The following TDRD3 variants were observed in gnomAD, a reference collection of about 807,000 sequenced individuals.
TDRD3 encodes the protein tudor domain-containing protein 3.
Under a neutral mutation model 86.7 loss-of-function variants are expected in TDRD3, and 45 were observed. That is an observed-to-expected ratio of 0.52 (90% confidence interval 0.41 to 0.67). The LOEUF is 0.67. Ranked by LOEUF, TDRD3 falls within the 30% of genes least tolerant of loss-of-function variation. TDRD3 has a pLI of 0.00. For missense variants in TDRD3, 814 were observed against 889.0 expected (o/e 0.92, Z 1.07); for synonymous variants, 298 against 301.7 (o/e 0.99, Z 0.13).
chr13:60,451,528 A>C (rs989814638), intron 3 of TDRD3, among the ~76,000 whole-genome samples: 6 of 152,188 alleles, frequency 3.9e-5, no homozygotes, highest in Admixed American at 3.9e-4. Context: ...AAATTGGCAC[A>C]AATTACAGAT....
intron 1 of TDRD3, chr13:60,433,939 G>A (rs966782622): frequency 1.5e-4 from 23 of 152,110 alleles, no homozygotes; most frequent in Non-Finnish European, 1.8e-4. Context: ...GGTAAAGGGT[G>A]GTAATGGAGA....
intron 10 of TDRD3, among the ~76,000 whole-genome samples, chr13:60,516,345 A>G (rs1157640029): frequency 6.6e-6 from 1 of 152,236 alleles, no homozygotes; most frequent in Non-Finnish European, 1.5e-5. Context: ...AAGTTTCATT[A>G]GAAATAATTG....
intron 10 of TDRD3, 100 bp from the exon 11 acceptor site, chr13:60,528,267 T>C: frequency 1.6e-6 from 2 of 1,278,852 alleles, no homozygotes; most frequent in Non-Finnish European, 2.1e-6. Context: ...TTTAGAATAG[T>C]AGTTTGATAA....
chr13:60,440,095 T>G (rs528191129), intron 2 of TDRD3, among the ~76,000 whole-genome samples: 17 of 152,172 alleles, frequency 1.1e-4, no homozygotes, highest in Non-Finnish European at 2.4e-4. Context: ...TTAAAATGAA[T>G]TGCCATTTAA....
Position 60,571,550 on chromosome 13 carries a change from A to G in TDRD3, c.*10-2066A>G, listed in dbSNP as rs111571894. 2.9e-4 allele frequency among the ~76,000 whole-genome samples: 44 copies of G among 152,326 alleles called. 1 individual carries two copies. Among genetic ancestry groups the G allele is most frequent in the African/African-American group, 1.1e-3 (44 of 41,576 alleles). ...TCTATTATCACTTTTAAAAAACATA[A>G]TTTCACAGTCATAGGTTTTCTTTTT... is the stretch of plus-strand genomic sequence containing the variant. On this transcript the variant is annotated intron_variant, in intron 13 of 13. Coordinates refer to ENST00000377881, the MANE Select transcript of TDRD3 (RefSeq NM_001146070.2).
intron 7 of TDRD3, among the ~76,000 whole-genome samples, chr13:60,493,691 T>G (rs1425623173): frequency 1.3e-5 from 2 of 152,120 alleles, no homozygotes; most frequent in Non-Finnish European, 2.9e-5. Context: ...ATAAAAATAT[T>G]GTTTAACCAA....
intron 5 of TDRD3, among the ~76,000 whole-genome samples, chr13:60,471,841 C>T (rs888702266): frequency 1.3e-5 from 2 of 152,006 alleles, no homozygotes; most frequent in Admixed American, 6.5e-5. Flanking sequence ...TCTTCCTTCT[C>T]AATTTGAATA....
intron 2 of TDRD3, among the ~76,000 whole-genome samples, chr13:60,443,011 A>C (rs1955316658): frequency 6.6e-6 from 1 of 152,072 alleles, no homozygotes. Flanking sequence ...TCTCATTCAT[A>C]TTTAAATATT....
intron 1 of TDRD3, among the ~76,000 whole-genome samples, chr13:60,397,951 G>C (rs1206485015): frequency 6.6e-6 from 1 of 152,216 alleles, no homozygotes; most frequent in Non-Finnish European, 1.5e-5. Context: ...GTGTGGACCA[G>C]TGTGAATCTG....
In TDRD3 at chr13:60,439,918, G is replaced by A. The variant is rs141228321; in HGVS notation, c.126+146G>A. On this transcript the variant is annotated intron_variant, in intron 2 of 13. Transcript: ENST00000377881. ...ATTTTAAGTTGTAGTGATGATGTTT[G>A]TTGAATTTAATAATCTCATATTAGC... 1.2e-3 allele frequency: 659 copies of A among 530,374 alleles called. 7 individuals are homozygous for A. Among genetic ancestry groups the A allele is most frequent in the African/African-American group, 0.012 (596 of 50,898 alleles). The allele number at this position is 530,374 out of a possible 1,614,324, so 32.9% of individuals were successfully genotyped here.
At chr13:60,451,890 G>C (rs1257141464) in intron 3 of TDRD3, among the ~76,000 whole-genome samples, 4 of 152,204 alleles carry the variant, frequency 2.6e-5, no homozygotes, top group Admixed American at 6.5e-5. Context: ...AAAATATCAT[G>C]TTGGAGTTTT....
intron 10 of TDRD3, among the ~76,000 whole-genome samples, chr13:60,513,641 G>A (rs1957106269): frequency 6.6e-6 from 1 of 152,078 alleles, no homozygotes; most frequent in Admixed American, 6.5e-5. Context: ...GAATCATGAG[G>A]GCAAGTCTTT....
Position 60,528,785 on chromosome 13 carries a change from A to T in TDRD3, c.1560A>T (p.Pro520=). 2 of 1,613,876 alleles carry T rather than the reference A, an allele frequency of 1.2e-6. No homozygotes were observed. Among genetic ancestry groups the T allele is most frequent in the Non-Finnish European group, 1.7e-6 (2 of 1,179,928 alleles). Residue 520 remains proline (P), a synonymous_variant, in exon 11 of 14, where the codon CCA becomes CCT. Coordinates refer to ENST00000377881, the MANE Select transcript of TDRD3 (RefSeq NM_001146070.2). ...GPSFAEAKEN[P]LPQGSVDYNN... Reference sequence around the variant, plus strand: ...CCTTTGCAGAGGCAAAAGAAAATCCACTTCCTCAAGGATCTGTAGATTATA... The same window carrying T: ...CCTTTGCAGAGGCAAAAGAAAATCCTCTTCCTCAAGGATCTGTAGATTATA...
In TDRD3 at chr13:60,421,333, T is replaced by C. The variant is rs1279182309; in HGVS notation, c.42-18355T>C. Among the ~76,000 whole-genome samples the C allele has an allele frequency of 2.0e-5, 3 of 152,230 alleles. No homozygotes were observed. In the East Asian group the frequency reaches 5.8e-4, roughly 29 times the overall value. ...GCATGTGCACAGGAACTGCCCTTTA[T>C]AAAACAATCGGATCTCATGAGGCTT... On this transcript the variant is annotated intron_variant, in intron 1 of 13. Coordinates refer to ENST00000377881, the MANE Select transcript of TDRD3 (RefSeq NM_001146070.2).
chr13:60,503,777 GC>G, intron 8 of TDRD3, among the ~76,000 whole-genome samples: 1 of 152,140 alleles, frequency 6.6e-6, no homozygotes, highest in East Asian at 1.9e-4. Context: ...AACTCAAAAG[GC>G]AAAAGCCTTT....
chr13:60,515,807 C>T (rs1047677912), intron 10 of TDRD3, among the ~76,000 whole-genome samples: 3 of 152,088 alleles, frequency 2.0e-5, no homozygotes, highest in African/African-American at 7.2e-5. Flanking sequence ...TAAATTTTTA[C>T]TTTTATAAAG....
In TDRD3 at chr13:60,503,964, A is replaced by G. The variant is rs190648889; in HGVS notation, c.859-5799A>G. Among the ~76,000 whole-genome samples, 20 of 152,306 alleles carry G rather than the reference A, an allele frequency of 1.3e-4. No individual in the cohort carries two copies. The East Asian group carries it at 2.5e-3, about 19-fold the overall frequency. ...CAAACCTTTTATAATGCTTTTTGCT[A>G]AAGGGCAGATTGGCATCAGAAGAAA... On this transcript the variant is annotated intron_variant, in intron 8 of 13. Coordinates refer to ENST00000377881, the MANE Select transcript of TDRD3 (RefSeq NM_001146070.2).
rs1055985096 is a variant in TDRD3, at chr13:60,472,857, T to G, written c.495+5478T>G. On this transcript the variant is annotated intron_variant, in intron 5 of 13. Transcript: ENST00000377881. ...GAGTACAATGGTGATTTCCACGGAC[T>G]GGGGGAGGAGAGAATGGGGGAGTTA... Among the ~76,000 whole-genome samples, 7 of 152,108 alleles carry G rather than the reference T, an allele frequency of 4.6e-5. No homozygotes were observed. In the East Asian group the frequency reaches 5.8e-4, roughly 13 times the overall value.
intron 1 of TDRD3, among the ~76,000 whole-genome samples, chr13:60,411,488 A>G (rs1163300914): frequency 6.6e-6 from 1 of 152,214 alleles, no homozygotes; most frequent in African/African-American, 2.4e-5. Context: ...ATTAAATACG[A>G]AACTGGCCTG....
Sources: gnomAD v4.1 joint callset for allele counts (sites outside exome capture counted in the v4.1 genomes callset) on GRCh38, gnomAD v4.1.1 for gene constraint, MANE v1.5 for transcripts, NCBI Gene and HGNC (gene_info 2026-07-23, HGNC 2026-07-21) for gene names.